ODAM: variants seen among roughly 807,000 people sequenced by gnomAD.
ODAM encodes odontogenic ameloblast-associated protein.
ODAM carries 55 observed loss-of-function variants against 48.5 expected under a neutral mutation model. The ratio of observed to expected loss-of-function variants is 1.13; its 90% CI spans 0.91 to 1.42. ODAM has a LOEUF of 1.42. ODAM is among the 40% of genes most tolerant of loss of function. ODAM has a pLI of 0.00. For missense variants in ODAM, 353 were observed against 323.6 expected (o/e 1.09, Z -0.70); for synonymous variants, 127 against 107.8 (o/e 1.18, Z -1.10).
chr4:70,198,655 G>C, intron 6 of ODAM, 29 bp downstream of exon 6: 2 of 1,571,460 alleles, frequency 1.3e-6, no homozygotes, highest in Non-Finnish European at 1.7e-6. Flanking sequence ...ACTGCCCATA[G>C]AGATGGCTAC....
chr4:70,197,798 T>C, intron 4 of ODAM, 126 bp from the exon 5 acceptor site: 1 of 711,776 alleles, frequency 1.4e-6, no homozygotes, highest in South Asian at 1.9e-5. Flanking sequence ...GATGCTGTCC[T>C]TTTTTATGTT....
At position 70,202,772 on chromosome 4, in the gene ODAM, T is replaced by C. The variant is rs3196714; in HGVS notation, c.665T>C (p.Ile222Thr). Residue 222 changes from isoleucine to threonine, a missense_variant, in exon 10 of 12, where the codon ATA becomes ACA. Coordinates refer to ENST00000683306, the MANE Select transcript of ODAM (RefSeq NM_017855.4). ...TCTCTGTAGTCAACAGGAGAAGAGA[T>C]ACCATATTTACAAAAAGAAGCGATC... ...EIAVMSTGEE[I>T]PYLQKEAINF... The C allele has an allele frequency of 0.28, 450,456 of 1,608,504 alleles. 67,467 individuals carry two copies. Among genetic ancestry groups the C allele is most frequent in the South Asian group, 0.48 (43,393 of 90,570 alleles).
In ODAM at chr4:70,200,451, T is replaced by C. The variant is rs114015117; in HGVS notation, c.424-46T>C. On this transcript the variant is annotated intron_variant, in intron 6 of 11. Transcript: ENST00000683306. ...ATTAGAAGATAAAAAGTATGTCCTA[T>C]GCTGATTTAATGGAATCTCTTGTAT... 3.9e-6 allele frequency: 4 copies of C among 1,038,180 alleles called. No homozygotes were observed. The African/African-American group carries it at 4.8e-5, about 12-fold the overall frequency. 64.3% of individuals were successfully genotyped at this position (1,038,180 alleles called of 1,614,324 possible). A position where few individuals can be genotyped will look rare whatever the true frequency, so the allele number is the denominator to read the frequency against.
Position 70,202,787 on chromosome 4 carries a change from A to T in ODAM, c.680A>T (p.Lys227Ile), listed in dbSNP as rs768762902. ...STGEEIPYLQ[K>I]EAINFRHDSA... Reference sequence around the variant, plus strand: ...GGAGAAGAGATACCATATTTACAAAAAGAAGCGATCAACTTTAGACATGAC... The same window carrying T: ...GGAGAAGAGATACCATATTTACAAATAGAAGCGATCAACTTTAGACATGAC... Residue 227 changes from lysine (K) to isoleucine (I), a missense_variant, in exon 10 of 12, where the codon AAA (lysine) becomes ATA (isoleucine). Coordinates refer to ENST00000683306, the MANE Select transcript of ODAM (RefSeq NM_017855.4). 1 of 1,611,340 alleles carries T rather than the reference A, an allele frequency of 6.2e-7. No homozygotes were observed. Among genetic ancestry groups the T allele is most frequent in the South Asian group, 1.1e-5 (1 of 90,850 alleles).
intron 6 of ODAM, chr4:70,200,232 A>C (rs1393598589): frequency 5.1e-6 from 2 of 391,828 alleles, no homozygotes; most frequent in Non-Finnish European, 4.6e-6. Context: ...CTTTGAAAAA[A>C]AAAAAAAGCT....
intron 6 of ODAM, chr4:70,200,002 G>T: frequency 2.8e-6 from 1 of 359,600 alleles, no homozygotes; most frequent in South Asian, 2.1e-5. Flanking sequence ...ACTTGTCTAT[G>T]TCTTGATTTA....
rs1424293771 is a variant in ODAM at position 70,204,295 on chromosome 4, T to C, written c.*150T>C. The C allele has an allele frequency of 1.3e-5, 2 of 152,044 alleles. No individual in the cohort carries two copies. Among genetic ancestry groups the C allele is most frequent in the Non-Finnish European group, 2.9e-5 (2 of 67,980 alleles). The allele number at this position is 152,044 out of a possible 1,614,324, so 9.4% of individuals were successfully genotyped here. ...CTTCTCCTAAATTTGTTTTTACTTATACATGTTATTAAACTCTTTAAATAT... is the reference window on the plus strand; with the variant it reads ...CTTCTCCTAAATTTGTTTTTACTTACACATGTTATTAAACTCTTTAAATAT... On this transcript the variant is annotated 3_prime_UTR_variant, in exon 12 of 12. Transcript: ENST00000683306.
At chr4:70,197,609 A>G in intron 4 of ODAM, 3 of 535,778 alleles carry the variant, frequency 5.6e-6, no homozygotes, top group South Asian at 4.5e-5. Context: ...CCAGTTAACC[A>G]GTAACAGCAG....
At chr4:70,196,635 C>T in intron 2 of ODAM, 41 bp downstream of exon 2, 1 of 1,594,022 alleles carries the variant, frequency 6.3e-7, no homozygotes, top group Non-Finnish European at 8.6e-7. Context: ...CTGTGTTAAA[C>T]CTTCAACAAT....
chr4:70,198,685 T>G (rs1729434016), intron 6 of ODAM, 59 bp downstream of exon 6: 3 of 1,334,472 alleles, frequency 2.2e-6, no homozygotes, highest in Non-Finnish European at 3.2e-6. Flanking sequence ...CCACAATGCT[T>G]TCTATTTCTA....
At chr4:70,200,282 G>A in intron 6 of ODAM, 1 of 439,666 alleles carries the variant, frequency 2.3e-6, no homozygotes, top group Non-Finnish European at 4.1e-6. Flanking sequence ...AAATGTGTTT[G>A]CCCAAGCAAC....
intron 11 of ODAM, among the ~76,000 whole-genome samples, chr4:70,203,712 C>T (rs1729557884): frequency 6.6e-6 from 1 of 151,802 alleles, no homozygotes; most frequent in Admixed American, 6.6e-5. Flanking sequence ...GCTATGAGGC[C>T]ACAATAGGAG....
At position 70,197,291 on chromosome 4, in the gene ODAM, T is replaced by C; in HGVS notation, c.111T>C (p.Asn37=). 2 of 1,442,630 alleles carry C rather than the reference T, an allele frequency of 1.4e-6. No individual in the cohort carries two copies. The highest frequency in any genetic ancestry group is 2.0e-6 in the Non-Finnish European group (2 of 1,025,598). 89.4% of individuals were successfully genotyped at this position (1,442,630 alleles called of 1,614,324 possible). A position where few individuals can be genotyped will look rare whatever the true frequency, so the allele number is the denominator to read the frequency against. ...SNSNELLLNL[N]NGQLLPLQLQ... Reference sequence around the variant, plus strand: ...TTTTCTAGTTACTTCTTAATCTTAATAATGGTCAACTTTTGCCACTACAAC... The same window carrying C: ...TTTTCTAGTTACTTCTTAATCTTAACAATGGTCAACTTTTGCCACTACAAC... The change falls in exon 4 of 12, where the codon AAT becomes AAC. Residue 37 remains asparagine, a synonymous_variant. Transcript: ENST00000683306.
chr4:70,200,055 C>A, intron 6 of ODAM: 1 of 422,046 alleles, frequency 2.4e-6, no homozygotes, highest in South Asian at 1.7e-5. Flanking sequence ...AATAAAGTAG[C>A]AATTCTTAAA....
chr4:70,203,197 G>A lies in ODAM; in HGVS notation c.*12G>A. 1 of 1,591,706 alleles carries A rather than the reference G, an allele frequency of 6.3e-7. No individual in the cohort carries two copies. The highest frequency in any genetic ancestry group is 8.6e-7 in the Non-Finnish European group (1 of 1,161,342). ...TAAGGGAACCATAAGAAGTTGCCCT[G>A]ATCATTCAGACATTTTGGTAGGTAT... On this transcript the variant is annotated 3_prime_UTR_variant, in exon 11 of 12. Transcript: ENST00000683306.
At position 70,202,326 on chromosome 4, in the gene ODAM, G is replaced by T; in HGVS notation, c.645G>T (p.Val215=). ...PQLGTAPEIA[V]MSTGEEIPYL... is the part of the protein sequence containing the mutation. Reference sequence around the variant, plus strand: ...TAGGCACAGCTCCTGAAATTGCTGTGATGGTAAGATTCCTTACAACACTTT... The same window carrying T: ...TAGGCACAGCTCCTGAAATTGCTGTTATGGTAAGATTCCTTACAACACTTT... Residue 215 remains valine, a synonymous_variant, in exon 9 of 12, where the codon GTG becomes GTT. Coordinates refer to ENST00000683306, the MANE Select transcript of ODAM (RefSeq NM_017855.4). 3 of 1,610,270 alleles carry T rather than the reference G, an allele frequency of 1.9e-6. No individual in the cohort carries two copies. Among genetic ancestry groups the T allele is most frequent in the Non-Finnish European group, 2.5e-6 (3 of 1,177,218 alleles).
intron 5 of ODAM, 75 bp from the exon 6 acceptor site, chr4:70,198,504 C>G: frequency 1.7e-6 from 2 of 1,155,090 alleles, no homozygotes. Flanking sequence ...ATGGCTAGCT[C>G]TAGGAAAAGC....
At position 70,196,740 on chromosome 4, in the gene ODAM, T is replaced by C; in HGVS notation, c.93+7T>C. The C allele has an allele frequency of 6.3e-7, 1 of 1,596,874 alleles. No homozygotes were observed. Among genetic ancestry groups the C allele is most frequent in the Non-Finnish European group, 8.6e-7 (1 of 1,169,564 alleles). ...TGCCAGCAATAGCAATGAGGTTAGT[T>C]TAAATAATTAAAACAATCTCCTCCT... On this transcript the variant is annotated splice_region_variant and intron_variant, in intron 3 of 11. Coordinates refer to ENST00000683306, the MANE Select transcript of ODAM (RefSeq NM_017855.4).
Position 70,202,750 on chromosome 4 carries a change from C to T in ODAM, c.649-6C>T. On this transcript the variant is annotated splice_polypyrimidine_tract_variant and splice_region_variant and intron_variant, in intron 9 of 11. Coordinates refer to ENST00000683306, the MANE Select transcript of ODAM (RefSeq NM_017855.4). ...ACAACTTTGTTTTCATTCTCATTCTCTGTAGTCAACAGGAGAAGAGATACC... is the reference window on the plus strand; with the variant it reads ...ACAACTTTGTTTTCATTCTCATTCTTTGTAGTCAACAGGAGAAGAGATACC... 1 of 1,599,820 alleles carries T rather than the reference C, an allele frequency of 6.3e-7. No individual in the cohort carries two copies.
Sources: allele counts gnomAD v4.1 joint callset (sites outside exome capture counted in the v4.1 genomes callset), GRCh38; gene constraint gnomAD v4.1.1; transcripts MANE v1.5; gene names NCBI Gene and HGNC (gene_info 2026-07-23, HGNC 2026-07-21).